KCNU1: variants seen among roughly 807,000 people sequenced by gnomAD.
KCNU1 encodes potassium channel subfamily U member 1.
A neutral mutation model predicts 126.8 loss-of-function variants in KCNU1; 93 were observed. That is an observed-to-expected ratio of 0.73 (90% confidence interval 0.62 to 0.87). KCNU1 has a LOEUF of 0.87. Ranked by LOEUF, KCNU1 falls within the 40% of genes least tolerant of loss-of-function variation. KCNU1 has a pLI of 0.00. For missense variants in KCNU1, 1,330 were observed against 1,367.1 expected (o/e 0.97, Z 0.43); for synonymous variants, 523 against 494.2 (o/e 1.06, Z -0.77).
intron 20 of KCNU1, among the ~76,000 whole-genome samples, chr8:36,908,206 C>T (rs923522392): frequency 2.6e-5 from 4 of 152,124 alleles, no homozygotes; most frequent in Non-Finnish European, 4.4e-5. Context: ...GAATATCATT[C>T]TTTAAAAGTT....
At chr8:36,836,186 C>G in intron 12 of KCNU1, 110 bp from the exon 13 acceptor site, 10 of 671,228 alleles carry the variant, frequency 1.5e-5, no homozygotes, top group South Asian at 8.1e-5. Context: ...TTATTATATG[C>G]CAAGTTTTTC....
chr8:36,847,434 C>T (rs1305166155), intron 18 of KCNU1, among the ~76,000 whole-genome samples: 1 of 152,146 alleles, frequency 6.6e-6, no homozygotes, highest in Non-Finnish European at 1.5e-5. Context: ...ATGAAGGACA[C>T]TAGAAATTAT....
intron 19 of KCNU1, among the ~76,000 whole-genome samples, chr8:36,869,806 T>C (rs1806037288): frequency 6.6e-6 from 1 of 152,200 alleles, no homozygotes; most frequent in Admixed American, 6.5e-5. Context: ...GTTGTCATTG[T>C]ATTTCCTGTC....
Position 36,805,231 on chromosome 8 carries a change from C to T in KCNU1, c.414C>T (p.Thr138=). 6.2e-7 allele frequency: 1 copy of T among 1,610,778 alleles called. No individual in the cohort carries two copies. Among genetic ancestry groups the T allele is most frequent in the Non-Finnish European group, 8.5e-7 (1 of 1,178,138 alleles). Residue 138 remains threonine (T), a synonymous_variant, in exon 4 of 27, where the codon ACC becomes ACT. Transcript: ENST00000399881. ...GCTGTTCATCATATGAAGACAAAAC[C>T]ATTCCTATTGATTTGGTTTTCAATG... The part of the protein sequence containing the change: ...VGSCSSYEDK[T]IPIDLVFNAF...
At chr8:36,807,315 A>T in intron 5 of KCNU1, 60 bp from the exon 6 acceptor site, 1 of 1,127,252 alleles carries the variant, frequency 8.9e-7, no homozygotes, top group Non-Finnish European at 1.4e-6. Flanking sequence ...GTTATAACGT[A>T]GGCTCCCTCT....
At position 36,811,237 on chromosome 8, in the gene KCNU1, G is replaced by C. The variant is rs147350086; in HGVS notation, c.732+2444G>C. ...ATAGCACAATAAATGGCACCAGAAA[G>C]ATGTTTTAAAACAAGGTGTTGAACC... is the stretch of plus-strand genomic sequence containing the variant. On this transcript the variant is annotated intron_variant, in intron 7 of 26. Coordinates refer to ENST00000399881, the MANE Select transcript of KCNU1 (RefSeq NM_001031836.3). 3.1e-3 allele frequency among the ~76,000 whole-genome samples: 470 copies of C among 152,266 alleles called. 2 individuals carry two copies. The highest frequency in any genetic ancestry group is 2.9e-3 in the Non-Finnish European group (198 of 68,034).
At chr8:36,892,370 T>G (rs1050030972) in intron 19 of KCNU1, among the ~76,000 whole-genome samples, 1 of 152,126 alleles carries the variant, frequency 6.6e-6, no homozygotes, top group African/African-American at 2.4e-5. Flanking sequence ...GTTCTCATAC[T>G]TTTCTTTAGT....
At chr8:36,932,495 T>G (rs1467209359) in intron 25 of KCNU1, among the ~76,000 whole-genome samples, 1 of 152,020 alleles carries the variant, frequency 6.6e-6, no homozygotes, top group African/African-American at 2.4e-5. Flanking sequence ...GAGAATAAGG[T>G]CCAGATGAGT....
At chr8:36,877,491 T>C (rs1585497797) in intron 19 of KCNU1, among the ~76,000 whole-genome samples, 2 of 151,916 alleles carry the variant, frequency 1.3e-5, no homozygotes, top group Admixed American at 1.3e-4. Flanking sequence ...TTAGTAGAGA[T>C]GGAGTTTCAC....
intron 2 of KCNU1, among the ~76,000 whole-genome samples, chr8:36,802,395 G>A (rs10105310): frequency 0.27 from 41,668 of 151,984 alleles, 7,136 homozygotes; most frequent in African/African-American, 0.46. Flanking sequence ...CACAGAGGAC[G>A]GGTCTGTGGC....
At chr8:36,894,864 A>G (rs1160271356) in intron 19 of KCNU1, among the ~76,000 whole-genome samples, 1 of 152,126 alleles carries the variant, frequency 6.6e-6, no homozygotes. Context: ...AAAATGCATA[A>G]AGACTATAGT....
chr8:36,889,414 T>C, intron 19 of KCNU1: 1 of 342,586 alleles, frequency 2.9e-6, no homozygotes, highest in Non-Finnish European at 5.8e-6. Flanking sequence ...TGATGTCATC[T>C]TGAGCTTTTT....
intron 19 of KCNU1, among the ~76,000 whole-genome samples, chr8:36,883,538 C>G (rs879635694): frequency 2.0e-5 from 3 of 152,126 alleles, no homozygotes; most frequent in Non-Finnish European, 4.4e-5. Flanking sequence ...AATCCCAGCA[C>G]TTGGGAAGGC....
intron 19 of KCNU1, among the ~76,000 whole-genome samples, chr8:36,886,892 T>C (rs1278948770): frequency 6.6e-6 from 1 of 152,144 alleles, no homozygotes; most frequent in Middle Eastern, 3.2e-3. Flanking sequence ...AGTCAGAACA[T>C]ACAGTATTTG....
At chr8:36,867,095 T>A (rs1805938220) in intron 19 of KCNU1, among the ~76,000 whole-genome samples, 1 of 152,026 alleles carries the variant, frequency 6.6e-6, no homozygotes, top group Admixed American at 6.6e-5. Context: ...CAATAAAAAA[T>A]TTTTGCAGTT....
At chr8:36,808,496 C>G (rs867475347) in intron 6 of KCNU1, among the ~76,000 whole-genome samples, 2 of 152,086 alleles carry the variant, frequency 1.3e-5, no homozygotes, top group South Asian at 4.1e-4. Flanking sequence ...CTGTGTTTCT[C>G]AACCTCTAAT....
At chr8:36,797,789 G>A (rs1397476651) in intron 2 of KCNU1, among the ~76,000 whole-genome samples, 2 of 152,126 alleles carry the variant, frequency 1.3e-5, no homozygotes, top group Admixed American at 6.6e-5. Context: ...CTTGCAATCT[G>A]TTTTTCCTAA....
chr8:36,858,654 A>G (rs1805620175), intron 18 of KCNU1, among the ~76,000 whole-genome samples: 1 of 152,132 alleles, frequency 6.6e-6, no homozygotes, highest in South Asian at 2.1e-4. Flanking sequence ...AAGATAAATA[A>G]TCATCCCTTT....
intron 19 of KCNU1, among the ~76,000 whole-genome samples, chr8:36,900,024 G>C (rs1351132424): frequency 6.6e-6 from 1 of 152,082 alleles, no homozygotes; most frequent in Non-Finnish European, 1.5e-5. Flanking sequence ...GGCAACCAAG[G>C]GGGCTTGGTG....
Sources: gnomAD v4.1 joint callset for allele counts (sites outside exome capture counted in the v4.1 genomes callset) on GRCh38, gnomAD v4.1.1 for gene constraint, MANE v1.5 for transcripts, NCBI Gene and HGNC (gene_info 2026-07-23, HGNC 2026-07-21) for gene names.